IGFBP2: variants seen among roughly 807,000 people sequenced by gnomAD.
The protein encoded by IGFBP2 is insulin like growth factor binding protein 2.
In IGFBP2, 12 loss-of-function variants were observed where a neutral mutation model predicts 26.2. The ratio of observed to expected loss-of-function variants is 0.46; its 90% CI spans 0.29 to 0.74. The LOEUF is 0.74. Ranked by LOEUF, IGFBP2 falls within the 30% of genes least tolerant of loss-of-function variation. The pLI is 0.09. For synonymous variants in IGFBP2, 189 were observed against 200.6 expected (o/e 0.94, Z 0.49); for missense variants, 328 against 441.2 (o/e 0.74, Z 2.30).
At chr2:216,634,906 T>TTTTTTTTTTTTAA (rs371560018) in intron 1 of IGFBP2, among the ~76,000 whole-genome samples, 7 of 128,490 alleles carry the variant, frequency 5.4e-5, no homozygotes, top group East Asian at 2.6e-4. Flanking sequence ...TTTTTTTTTT[T>TTTTTTTTTTTTAA]AATTACGAAA....
intron 3 of IGFBP2, chr2:216,663,608 C>T: frequency 4.0e-6 from 1 of 248,804 alleles, no homozygotes; most frequent in African/African-American, 2.2e-5. Context: ...TGGGTCCCCC[C>T]CACTGGATGG....
At chr2:216,642,721 G>T (rs142144510) in intron 1 of IGFBP2, among the ~76,000 whole-genome samples, 1 of 152,206 alleles carries the variant, frequency 6.6e-6, no homozygotes. Context: ...TAGAATGGGG[G>T]TTGGAGGGAC....
At chr2:216,646,254 T>C (rs1393259322) in intron 1 of IGFBP2, among the ~76,000 whole-genome samples, 2 of 151,910 alleles carry the variant, frequency 1.3e-5, no homozygotes, top group Non-Finnish European at 2.9e-5. Flanking sequence ...GTGGGAAAGG[T>C]TGGTAGGATT....
intron 1 of IGFBP2, among the ~76,000 whole-genome samples, chr2:216,639,108 C>T (rs1165898120): frequency 1.7e-4 from 26 of 150,048 alleles, no homozygotes; most frequent in African/African-American, 5.9e-4. Context: ...TCTTGGCTCA[C>T]TGCAAGCTCT....
At chr2:216,662,440 C>CA (rs1417508190) in intron 3 of IGFBP2, 5 of 170,110 alleles carry the variant, frequency 2.9e-5, no homozygotes, top group Non-Finnish European at 6.4e-5. Flanking sequence ...TCATTGATTT[C>CA]AACCACTGGC....
Position 216,633,514 on chromosome 2 carries a change from G to C in IGFBP2, c.-10G>C. The stretch of plus-strand genomic sequence containing the variant: ...CGCTCGCCCGCCGCGCCGCGCTGCC[G>C]ACCGCCAGCATGCTGCCGAGAGTGG... On this transcript the variant is annotated 5_prime_UTR_variant, in exon 1 of 4. Coordinates refer to ENST00000233809, the MANE Select transcript of IGFBP2 (RefSeq NM_000597.3). 1.3e-6 allele frequency: 1 copy of C among 763,910 alleles called. No homozygotes were observed. The highest frequency in any genetic ancestry group is 1.6e-6 in the Non-Finnish European group (1 of 625,564). The allele number at this position is 763,910 out of a possible 1,614,324, so 47.3% of individuals were successfully genotyped here. A position where few individuals can be genotyped will look rare whatever the true frequency, so the allele number is the denominator to read the frequency against.
chr2:216,658,103 C>T (rs749065498), intron 1 of IGFBP2, among the ~76,000 whole-genome samples: 12 of 152,126 alleles, frequency 7.9e-5, no homozygotes, highest in Non-Finnish European at 1.2e-4. Flanking sequence ...AAAATGTACC[C>T]GGAGTTTGTA....
intron 1 of IGFBP2, among the ~76,000 whole-genome samples, chr2:216,647,665 G>A (rs577869767): frequency 2.0e-5 from 3 of 152,020 alleles, no homozygotes; most frequent in South Asian, 4.2e-4. Context: ...GACTACAGGC[G>A]CCCACCACCA....
At chr2:216,652,261 C>T (rs1697841522) in intron 1 of IGFBP2, among the ~76,000 whole-genome samples, 1 of 151,090 alleles carries the variant, frequency 6.6e-6, no homozygotes, top group Admixed American at 6.6e-5. Flanking sequence ...GCAACCTCCG[C>T]TTCCCGGGTT....
intron 1 of IGFBP2, among the ~76,000 whole-genome samples, chr2:216,639,749 TCTC>T (rs1697575697): frequency 6.6e-6 from 1 of 152,058 alleles, no homozygotes; most frequent in Non-Finnish European, 1.5e-5. Context: ...TTCAAGCAAT[TCTC>T]CTGCCTCAGC....
chr2:216,647,711 G>A lies in IGFBP2; in HGVS notation c.443-12846G>A, dbSNP rs373220396. Reference sequence around the variant, plus strand: ...ATTTTTTGTATTTTTTAGTAGAGACGGGGTTTCACCATGTTAGCCAGGATG... The same window carrying A: ...ATTTTTTGTATTTTTTAGTAGAGACAGGGTTTCACCATGTTAGCCAGGATG... On this transcript the variant is annotated intron_variant, in intron 1 of 3. Transcript: ENST00000233809. 1.2e-4 allele frequency among the ~76,000 whole-genome samples: 18 copies of A among 152,166 alleles called. No homozygotes were observed. In the East Asian group the frequency reaches 1.7e-3, roughly 15 times the overall value.
intron 1 of IGFBP2, among the ~76,000 whole-genome samples, chr2:216,652,636 A>G (rs1285476542): frequency 6.6e-6 from 1 of 152,196 alleles, no homozygotes; most frequent in Non-Finnish European, 1.5e-5. Flanking sequence ...TGAATCGTCC[A>G]CTGCTATGGA....
At chr2:216,644,400 G>A (rs1301570060) in intron 1 of IGFBP2, among the ~76,000 whole-genome samples, 1 of 152,128 alleles carries the variant, frequency 6.6e-6, no homozygotes, top group Non-Finnish European at 1.5e-5. Context: ...AGTGGAGGAC[G>A]GTGAAGGTGT....
rs539355267 is a variant in IGFBP2, at chr2:216,660,880, T to G, written c.672+94T>G. ...GCATCCTAATAAGACCCTCATCTGGTGTGACCTGTAGGCAAAGCACTTTTC... is the reference window on the plus strand; with the variant it reads ...GCATCCTAATAAGACCCTCATCTGGGGTGACCTGTAGGCAAAGCACTTTTC... On this transcript the variant is annotated intron_variant, in intron 2 of 3. Coordinates refer to ENST00000233809, the MANE Select transcript of IGFBP2 (RefSeq NM_000597.3). 3 of 964,140 alleles carry G rather than the reference T, an allele frequency of 3.1e-6. No individual in the cohort carries two copies. The African/African-American group carries it at 4.8e-5, about 16-fold the overall frequency. 59.7% of individuals were successfully genotyped at this position (964,140 alleles called of 1,614,324 possible).
In IGFBP2 at chr2:216,633,459, C is replaced by A; in HGVS notation, c.-65C>A. 1 of 313,942 alleles carries A rather than the reference C, an allele frequency of 3.2e-6. No homozygotes were observed. The highest frequency in any genetic ancestry group is 4.7e-6 in the Non-Finnish European group (1 of 213,848). 19.4% of individuals were successfully genotyped at this position (313,942 alleles called of 1,614,324 possible). On this transcript the variant is annotated 5_prime_UTR_variant, in exon 1 of 4. Transcript: ENST00000233809. ...GGAGGCGGCTCCCGCGCTCGCAGGG[C>A]CGTGCCACCTGCCCGCCCGCCCGCT...
At chr2:216,658,554 A>G (rs888317453) in intron 1 of IGFBP2, among the ~76,000 whole-genome samples, 1 of 144,794 alleles carries the variant, frequency 6.9e-6, no homozygotes, top group Non-Finnish European at 1.5e-5. Flanking sequence ...TTATTTATTT[A>G]TTTATTTATT....
At chr2:216,641,342 A>C (rs2106191100) in intron 1 of IGFBP2, among the ~76,000 whole-genome samples, 1 of 152,326 alleles carries the variant, frequency 6.6e-6, no homozygotes, top group East Asian at 1.9e-4. Context: ...CACCCAAGGT[A>C]AGAGATTTCT....
chr2:216,654,053 A>T (rs1202478823), intron 1 of IGFBP2, among the ~76,000 whole-genome samples: 1 of 152,142 alleles, frequency 6.6e-6, no homozygotes, highest in Non-Finnish European at 1.5e-5. Context: ...AATAAATATT[A>T]TTCTGAACTT....
intron 2 of IGFBP2, chr2:216,661,409 C>CTCAG (rs111315643): frequency 0.048 from 14,643 of 302,578 alleles, 592 homozygotes; most frequent in African/African-American, 0.13. Flanking sequence ...TGGCCTGAAA[C>CTCAG]TCAGTCTTGT....
Sources: allele counts gnomAD v4.1 joint callset (sites outside exome capture counted in the v4.1 genomes callset), GRCh38; gene constraint gnomAD v4.1.1; transcripts MANE v1.5; gene names NCBI Gene and HGNC (gene_info 2026-07-23, HGNC 2026-07-21).